LPCAT3: variants seen among roughly 807,000 people sequenced by gnomAD.
LPCAT3 encodes lysophosphatidylcholine acyltransferase 3.
Under a neutral mutation model 63.4 loss-of-function variants are expected in LPCAT3, and 21 were observed. That is an observed-to-expected ratio of 0.33 (90% CI 0.23 to 0.48). The LOEUF is 0.48. Ranked by LOEUF, LPCAT3 falls within the 20% of genes least tolerant of loss-of-function variation. LPCAT3 has a pLI of 0.99. For missense variants in LPCAT3, 451 were observed against 590.6 expected (o/e 0.76, Z 2.45); for synonymous variants, 242 against 227.5 (o/e 1.06, Z -0.58).
At position 6,983,472 on chromosome 12, in the gene LPCAT3, G is replaced by A. The variant is rs1555154407; in HGVS notation, c.219C>T (p.Phe73=). 1.9e-6 allele frequency: 3 copies of A among 1,612,978 alleles called. No individual in the cohort carries two copies. Among genetic ancestry groups the A allele is most frequent in the Non-Finnish European group, 2.5e-6 (3 of 1,179,064 alleles). The change falls in exon 2 of 13, where the codon TTC becomes TTT. Residue 73 remains phenylalanine, a synonymous_variant. Coordinates refer to ENST00000261407, the MANE Select transcript of LPCAT3 (RefSeq NM_005768.6). ...CAATTGAGAGGCCTGTAAAGGTATGGAAGAGGTGGATGAGGTAGGTCTCCT... is the reference window on the plus strand; with the variant it reads ...CAATTGAGAGGCCTGTAAAGGTATGAAAGAGGTGGATGAGGTAGGTCTCCT... ...FYKETYLIHL[F]HTFTGLSIAY...
At chr12:6,979,680 G>A in intron 6 of LPCAT3, 101 bp from the exon 7 acceptor site, 1 of 787,342 alleles carries the variant, frequency 1.3e-6, no homozygotes, top group South Asian at 1.5e-5. Flanking sequence ...GGGTGTGGTT[G>A]TCTACCTGGA....
chr12:6,985,446 C>T (rs1946513970), intron 1 of LPCAT3, among the ~76,000 whole-genome samples: 1 of 151,842 alleles, frequency 6.6e-6, no homozygotes, highest in South Asian at 2.1e-4. Flanking sequence ...GGTGCAGTGG[C>T]TCACGCCTGT....
chr12:6,976,859 G>T lies in LPCAT3; in HGVS notation c.*45C>A. ...AAAGGAGTGCTGTGAAAAGGGAGAC[G>T]AGTAGTTTCTGCACCAGTCCCGCAC... On this transcript the variant is annotated 3_prime_UTR_variant, in exon 13 of 13. Coordinates refer to ENST00000261407, the MANE Select transcript of LPCAT3 (RefSeq NM_005768.6). 3.3e-6 allele frequency: 1 copy of T among 303,908 alleles called. No individual in the cohort carries two copies. Among genetic ancestry groups the T allele is most frequent in the Non-Finnish European group, 6.3e-6 (1 of 159,550 alleles). The allele number at this position is 303,908 out of a possible 1,614,324, so 18.8% of individuals were successfully genotyped here.
chr12:7,011,647 C>CA (rs1177972639), intron 1 of LPCAT3, among the ~76,000 whole-genome samples: 1,327 of 75,038 alleles, frequency 0.018, 17 homozygotes, highest in East Asian at 0.071. Flanking sequence ...CACCATGTCT[C>CA]AAAAAAAAAA....
chr12:7,006,681 T>A (rs782016823), intron 1 of LPCAT3, among the ~76,000 whole-genome samples: 3 of 152,352 alleles, frequency 2.0e-5, no homozygotes, highest in East Asian at 3.9e-4. Context: ...CGGTTCAATA[T>A]TTTTGGTCAG....
chr12:6,989,017 T>C (rs987392065), intron 1 of LPCAT3, among the ~76,000 whole-genome samples: 13 of 151,580 alleles, frequency 8.6e-5, no homozygotes, highest in Non-Finnish European at 1.8e-4. Context: ...TCCCAGCTAC[T>C]CGGGAGGCTG....
At chr12:6,990,691 G>A (rs1391920604) in intron 1 of LPCAT3, among the ~76,000 whole-genome samples, 1 of 151,566 alleles carries the variant, frequency 6.6e-6, no homozygotes, top group Non-Finnish European at 1.5e-5. Context: ...GGGAGGCCGA[G>A]GTGGGTGGAT....
chr12:7,012,357 C>A (rs781880217), intron 1 of LPCAT3, among the ~76,000 whole-genome samples: 182 of 148,266 alleles, frequency 1.2e-3, no homozygotes, highest in African/African-American at 4.5e-3. Context: ...AGCAGGAACT[C>A]TGGAGTCAGG....
intron 1 of LPCAT3, among the ~76,000 whole-genome samples, chr12:7,005,251 C>T (rs781981522): frequency 6.6e-6 from 1 of 152,162 alleles, no homozygotes; most frequent in Admixed American, 6.5e-5. Context: ...TCATCTGTGT[C>T]GCAGCATGTG....
At chr12:6,990,016 T>TA (rs1229693943) in intron 1 of LPCAT3, among the ~76,000 whole-genome samples, 4 of 149,930 alleles carry the variant, frequency 2.7e-5, no homozygotes, top group South Asian at 2.1e-4. Context: ...CTACAAAAAA[T>TA]AAAAAAAATA....
chr12:6,983,028 C>T, intron 2 of LPCAT3: 2 of 585,758 alleles, frequency 3.4e-6, no homozygotes, highest in Non-Finnish European at 6.4e-6. Flanking sequence ...GTTGTCCAGA[C>T]TTGAGTGCAG....
At chr12:6,978,795 A>C in intron 7 of LPCAT3, 106 bp from the exon 8 acceptor site, 2 of 1,507,582 alleles carry the variant, frequency 1.3e-6, no homozygotes, top group Middle Eastern at 3.6e-4. Flanking sequence ...TACCTGCCTG[A>C]GTCCTGCTGC....
intron 1 of LPCAT3, among the ~76,000 whole-genome samples, chr12:6,989,683 G>C (rs1250573034): frequency 2.0e-5 from 3 of 152,154 alleles, no homozygotes; most frequent in Non-Finnish European, 2.9e-5. Flanking sequence ...ACAGGGAGTG[G>C]ATAGAACTGT....
Position 6,983,507 on chromosome 12 carries a change from G to T in LPCAT3, c.184C>A (p.Leu62Ile), listed in dbSNP as rs2138334895. Residue 62 changes from leucine to isoleucine, a missense_variant, in exon 2 of 13, where the codon CTT becomes ATT. By Grantham distance (5) the Leu-to-Ile change is conservative. This residue lies in a region of LPCAT3 where 133 missense variants were observed against 152.1 expected (regional missense o/e 0.87). Transcript: ENST00000261407. ...ATGAGGTAGGTCTCCTTGTAGAAAAGGTAATGCCGATAAAACAAAGCAAAG... is the reference window on the plus strand; with the variant it reads ...ATGAGGTAGGTCTCCTTGTAGAAAATGTAATGCCGATAAAACAAAGCAAAG... ...YPFALFYRHYLFYKETYLIHL... is the reference protein window; with the variant it reads ...YPFALFYRHYIFYKETYLIHL... 3.7e-6 allele frequency: 6 copies of T among 1,612,236 alleles called. No homozygotes were observed. Among genetic ancestry groups the T allele is most frequent in the Non-Finnish European group, 4.2e-6 (5 of 1,178,462 alleles).
chr12:7,016,256 G>A (rs1338305971), intron 1 of LPCAT3, among the ~76,000 whole-genome samples: 1 of 150,320 alleles, frequency 6.7e-6, no homozygotes, highest in Non-Finnish European at 1.5e-5. Flanking sequence ...GAGCCACCAC[G>A]CCCAGCTCAT....
In LPCAT3 at chr12:6,977,806, G is replaced by A. The variant is rs1312286286; in HGVS notation, c.1041-61C>T. The A allele has an allele frequency of 1.9e-6, 3 of 1,595,434 alleles. No homozygotes were observed. Among genetic ancestry groups the A allele is most frequent in the Non-Finnish European group, 2.6e-6 (3 of 1,166,526 alleles). On this transcript the variant is annotated intron_variant, in intron 9 of 12. Transcript: ENST00000261407. The surrounding 1 kb of genome is among the most constrained non-coding windows in gnomAD (Gnocchi z 4.5). ...GACTGGTCCTTGCATCCCGCCACCT[G>A]CCTCTGGGTCCTCACCCTGAGGATT...
At chr12:7,016,537 A>C (rs1946798722) in intron 1 of LPCAT3, among the ~76,000 whole-genome samples, 1 of 152,174 alleles carries the variant, frequency 6.6e-6, no homozygotes, top group South Asian at 2.1e-4. Context: ...TTGGCCTCCC[A>C]AAATGCCAGG....
At chr12:6,985,989 G>A (rs1946521870) in intron 1 of LPCAT3, among the ~76,000 whole-genome samples, 6 of 151,868 alleles carry the variant, frequency 4.0e-5, no homozygotes, top group Admixed American at 3.9e-4. Context: ...TGGCCAGGCT[G>A]GTCTCGAACT....
At chr12:6,994,070 C>T (rs968149306) in intron 1 of LPCAT3, among the ~76,000 whole-genome samples, 1 of 152,248 alleles carries the variant, frequency 6.6e-6, no homozygotes, top group Non-Finnish European at 1.5e-5. Flanking sequence ...CTCCTGGCCT[C>T]AAATGATCCT....
Sources: allele counts gnomAD v4.1 joint callset (sites outside exome capture counted in the v4.1 genomes callset), GRCh38; gene constraint gnomAD v4.1.1; regional missense constraint gnomAD v4.1.1; non-coding constraint Gnocchi (gnomAD v3.1); transcripts MANE v1.5; gene names NCBI Gene and HGNC (gene_info 2026-07-23, HGNC 2026-07-21).